The following RARB variants were observed in gnomAD, a reference collection of about 807,000 sequenced individuals.
The protein encoded by RARB is retinoic acid receptor beta.
A neutral mutation model predicts 51.9 loss-of-function variants in RARB; 17 were observed. The ratio of observed to expected loss-of-function variants is 0.33; its 90% CI spans 0.22 to 0.49. The LOEUF (loss-of-function observed/expected upper bound fraction) is 0.49, where lower values mean the gene tolerates loss of function less well. Ranked by LOEUF, RARB falls within the 20% of genes least tolerant of loss-of-function variation. The probability of loss-of-function intolerance (pLI) is 0.99; values close to 1 mark genes in which losing one functional copy is unlikely to be tolerated. For missense variants in RARB, 369 were observed against 550.8 expected, an observed-to-expected ratio of 0.67 and a Z score of 3.30; for synonymous variants, 215 against 195.4, an observed-to-expected ratio of 1.10 and a Z score of -0.84.
At chr3:25,471,984 C>G (rs1695720686) in intron 2 of RARB, among the ~76,000 whole-genome samples, 2 of 152,198 alleles carry the variant, frequency 1.3e-5, no homozygotes. Context: ...GGTCTTCCCA[C>G]TCTCTACAGT....
chr3:25,453,192 G>T (rs374305815), intron 1 of RARB, among the ~76,000 whole-genome samples: 10 of 147,352 alleles, frequency 6.8e-5, no homozygotes, highest in Non-Finnish European at 1.3e-4. Flanking sequence ...AAGGGGTCTT[G>T]TTAGGATGCC....
chr3:25,323,250 A>C (rs1704622695), intron 5 of RARB, among the ~76,000 whole-genome samples: 1 of 152,228 alleles, frequency 6.6e-6, no homozygotes, highest in African/African-American at 2.4e-5. Context: ...AGCAAACCAC[A>C]GGACCAGCTC....
At chr3:25,048,977 C>T (rs1698273416) in intron 2 of RARB, among the ~76,000 whole-genome samples, 1 of 152,150 alleles carries the variant, frequency 6.6e-6, no homozygotes, top group Non-Finnish European at 1.5e-5. Context: ...TGGTCTCGAT[C>T]TCCTGACCTT....
intron 2 of RARB, among the ~76,000 whole-genome samples, chr3:25,473,264 G>A (rs1695787731): frequency 2.0e-5 from 3 of 151,324 alleles, no homozygotes; most frequent in Non-Finnish European, 2.9e-5. Flanking sequence ...AGCAACACCA[G>A]AAGGGAAAAT....
chr3:25,329,745 G>A (rs531419180), intron 5 of RARB, among the ~76,000 whole-genome samples: 10 of 152,202 alleles, frequency 6.6e-5, no homozygotes, highest in Admixed American at 2.0e-4. Context: ...GAAACCCATC[G>A]CAAAGAAGCT....
intron 4 of RARB, among the ~76,000 whole-genome samples, chr3:25,150,714 G>T (rs1700273191): frequency 6.6e-6 from 1 of 152,096 alleles, no homozygotes; most frequent in Non-Finnish European, 1.5e-5. Flanking sequence ...AATTCCAGGA[G>T]ACCAGGAAAG....
intron 3 of RARB, among the ~76,000 whole-genome samples, chr3:25,501,918 T>C (rs1175526833): frequency 6.6e-6 from 1 of 152,184 alleles, no homozygotes; most frequent in African/African-American, 2.4e-5. Context: ...TCCATAAATA[T>C]CTGATGATGG....
At chr3:25,288,458 G>A (rs545450997) in intron 5 of RARB, among the ~76,000 whole-genome samples, 1 of 152,254 alleles carries the variant, frequency 6.6e-6, no homozygotes, top group East Asian at 1.9e-4. Context: ...GTTTTCTTTG[G>A]TGCAGAACGT....
intron 5 of RARB, among the ~76,000 whole-genome samples, chr3:25,315,716 C>T (rs1350162057): frequency 5.9e-5 from 9 of 152,098 alleles, no homozygotes; most frequent in African/African-American, 1.2e-4. Flanking sequence ...CGGGTTAAAG[C>T]GATTCTCGTG....
At chr3:24,916,370 C>T (rs1695105994) in intron 2 of RARB, among the ~76,000 whole-genome samples, 1 of 152,130 alleles carries the variant, frequency 6.6e-6, no homozygotes, top group South Asian at 2.1e-4. Flanking sequence ...AACATAATCC[C>T]ATGTCTCCTG....
intron 5 of RARB, among the ~76,000 whole-genome samples, chr3:25,378,452 A>G (rs1706528590): frequency 6.6e-6 from 1 of 152,294 alleles, no homozygotes; most frequent in East Asian, 1.9e-4. Flanking sequence ...TACCCCTACA[A>G]TGTATCATTA....
At chr3:25,026,510 T>C (rs1163296476) in intron 2 of RARB, among the ~76,000 whole-genome samples, 1 of 152,172 alleles carries the variant, frequency 6.6e-6, no homozygotes, top group Non-Finnish European at 1.5e-5. Flanking sequence ...GGTGCCTCTT[T>C]GGGCATCCAA....
At chr3:24,829,554 C>T (rs889300331) in intron 1 of RARB, among the ~76,000 whole-genome samples, 1 of 152,090 alleles carries the variant, frequency 6.6e-6, no homozygotes, top group African/African-American at 2.4e-5. Flanking sequence ...TTTGCGTGTA[C>T]CGCGGCGGGG....
chr3:25,305,110 C>G (rs539804940), intron 5 of RARB, among the ~76,000 whole-genome samples: 29 of 152,252 alleles, frequency 1.9e-4, no homozygotes, highest in South Asian at 4.1e-4. Flanking sequence ...CCACTGCCCC[C>G]TCCTGCCTCT....
intron 2 of RARB, among the ~76,000 whole-genome samples, chr3:24,928,121 G>T (rs963363233): frequency 6.6e-6 from 1 of 151,998 alleles, no homozygotes; most frequent in Non-Finnish European, 1.5e-5. Context: ...AATTCACATG[G>T]TAGAATTTTG....
chr3:25,059,334 T>C (rs1307306422), intron 2 of RARB, among the ~76,000 whole-genome samples: 1 of 151,924 alleles, frequency 6.6e-6, no homozygotes, highest in East Asian at 1.9e-4. Flanking sequence ...GTAAAATTGC[T>C]TTGTTAAACT....
chr3:25,122,857 A>G (rs1699806802), intron 3 of RARB, among the ~76,000 whole-genome samples: 1 of 152,088 alleles, frequency 6.6e-6, no homozygotes, highest in African/African-American at 2.4e-5. Context: ...AATGCCCCAA[A>G]CGGTTATAAC....
At chr3:25,005,104 T>C (rs958966396) in intron 2 of RARB, among the ~76,000 whole-genome samples, 14 of 152,262 alleles carry the variant, frequency 9.2e-5, no homozygotes, top group Middle Eastern at 3.4e-3. Context: ...TACATACATA[T>C]AGAAGTATGT....
In RARB at chr3:25,565,058, A is replaced by G. The variant is rs113200181; in HGVS notation, c.449-4700A>G. Among the ~76,000 whole-genome samples the G allele has an allele frequency of 3.2e-3, 487 of 152,244 alleles. 1 individual carries two copies. Among genetic ancestry groups the G allele is most frequent in the African/African-American group, 9.8e-3 (407 of 41,556 alleles). ...GTTAGCTTCCTAATCTAGGACCAGT[A>G]GGATCCCCCTGCCACACCCAGTAAT... On this transcript the variant is annotated intron_variant, in intron 3 of 7. Transcript: ENST00000330688.
Sources: allele counts gnomAD v4.1 joint callset (sites outside exome capture counted in the v4.1 genomes callset), GRCh38; gene constraint gnomAD v4.1.1; transcripts MANE v1.5; gene names NCBI Gene and HGNC (gene_info 2026-07-23, HGNC 2026-07-21).